NCOA2: variants seen among roughly 807,000 people sequenced by gnomAD.
NCOA2 encodes class E basic helix-loop-helix protein 75.
In NCOA2, 21 loss-of-function variants were observed where a neutral mutation model predicts 145.1. That is an observed-to-expected ratio of 0.14 (90% CI 0.10 to 0.21). The LOEUF (loss-of-function observed/expected upper bound fraction) is 0.21, where lower values mean the gene tolerates loss of function less well. NCOA2 is among the 10% of genes least tolerant of loss of function. NCOA2 has a pLI of 1.00. For synonymous variants in NCOA2, 619 were observed against 637.5 expected (o/e 0.97, Z 0.44); for missense variants, 1,472 against 1,837.6 (o/e 0.80, Z 3.64).
chr8:70,341,082 G>GAAGAAAA (rs1808094477), intron 1 of NCOA2, among the ~76,000 whole-genome samples: 1 of 105,070 alleles, frequency 9.5e-6, no homozygotes, highest in South Asian at 3.7e-4. Context: ...TTAAAAAGTT[G>GAAGAAAA]AAAAAAAAAA....
chr8:70,129,491 C>T (rs1808837110), intron 16 of NCOA2, among the ~76,000 whole-genome samples: 1 of 152,140 alleles, frequency 6.6e-6, no homozygotes, highest in Non-Finnish European at 1.5e-5. Flanking sequence ...GCAATAAGCC[C>T]TATTCAGCTA....
the NCOA2 span, among the ~76,000 whole-genome samples, chr8:70,454,785 G>T: frequency 6.6e-6 from 1 of 152,156 alleles, no homozygotes. Flanking sequence ...TGAGCCCTCT[G>T]TACTGAGAAG....
the NCOA2 span, among the ~76,000 whole-genome samples, chr8:70,453,709 T>G: frequency 6.6e-6 from 1 of 152,230 alleles, no homozygotes; most frequent in Non-Finnish European, 1.5e-5. Flanking sequence ...TCCTTCCTTT[T>G]CCTTTCTCCA....
At chr8:70,318,637 G>A (rs1239259599) in intron 1 of NCOA2, among the ~76,000 whole-genome samples, 6 of 152,072 alleles carry the variant, frequency 3.9e-5, no homozygotes, top group East Asian at 1.9e-4. Context: ...GCTTAGTGGC[G>A]CCTGCCTGTA....
chr8:70,200,454 A>G (rs1331010715), intron 4 of NCOA2, among the ~76,000 whole-genome samples: 1 of 152,188 alleles, frequency 6.6e-6, no homozygotes, highest in Non-Finnish European at 1.5e-5. Context: ...TGGATTTTGC[A>G]CTGTAATTTA....
rs60168250 is a variant in NCOA2 at position 70,111,017 on chromosome 8, T to G, written c.*2615A>C. ...TGATAATGAAGGGAACTGATTTGGC[T>G]TTTGCTTCTATAGTGATCAATATGA... On this transcript the variant is annotated 3_prime_UTR_variant, in exon 23 of 23. Transcript: ENST00000452400. 1,257 of 223,754 alleles carry G rather than the reference T, an allele frequency of 5.6e-3. 62 individuals are homozygous for G. The East Asian group carries it at 0.08, about 14-fold the overall frequency. The allele number at this position is 223,754 out of a possible 1,614,324, so 13.9% of individuals were successfully genotyped here. A position where few individuals can be genotyped will look rare whatever the true frequency, so the allele number is the denominator to read the frequency against.
upstream of NCOA2, among the ~76,000 whole-genome samples, chr8:70,407,963 C>T (rs532059974): frequency 6.6e-6 from 1 of 152,250 alleles, no homozygotes; most frequent in Admixed American, 6.5e-5. Context: ...CTATGGAATA[C>T]AATTCAAATC....
At chr8:70,407,273 T>C (rs1478305811), upstream of NCOA2, among the ~76,000 whole-genome samples, 1 of 152,238 alleles carries the variant, frequency 6.6e-6, no homozygotes, top group African/African-American at 2.4e-5. Context: ...CCTTAAATAG[T>C]ATAACTACAA....
chr8:70,272,515 T>G (rs144031856), intron 2 of NCOA2, among the ~76,000 whole-genome samples: 4 of 152,340 alleles, frequency 2.6e-5, no homozygotes, highest in African/African-American at 9.6e-5. Flanking sequence ...AGGCTAATTT[T>G]TTTTTCTTAC....
At chr8:70,121,269 T>G in intron 22 of NCOA2, 33 bp downstream of exon 22, 1 of 1,556,184 alleles carries the variant, frequency 6.4e-7, no homozygotes, top group Non-Finnish European at 8.8e-7. Context: ...TTGCTTTACT[T>G]CCATATTCAT....
intron 21 of NCOA2, 54 bp downstream of exon 21, chr8:70,123,830 T>C (rs1563481887): frequency 1.4e-6 from 2 of 1,440,880 alleles, no homozygotes; most frequent in Non-Finnish European, 1.9e-6. Context: ...GATGCAGAAG[T>C]AGAAAAAAAG....
the NCOA2 span, among the ~76,000 whole-genome samples, chr8:70,420,137 A>C: frequency 6.6e-6 from 1 of 152,296 alleles, no homozygotes; most frequent in African/African-American, 2.4e-5. Context: ...TAAATAAATA[A>C]ATGAATGGAT....
At chr8:70,221,941 A>G (rs1433068870) in intron 2 of NCOA2, among the ~76,000 whole-genome samples, 1 of 152,168 alleles carries the variant, frequency 6.6e-6, no homozygotes, top group Admixed American at 6.5e-5. Flanking sequence ...AAAATTATGT[A>G]TTATTTCCTC....
chr8:70,420,804 C>G, the NCOA2 span, among the ~76,000 whole-genome samples: 2 of 152,058 alleles, frequency 1.3e-5, no homozygotes, highest in African/African-American at 4.8e-5. Context: ...ACCACCACGC[C>G]CAGCTAATTT....
chr8:70,236,552 G>C (rs911815362), intron 2 of NCOA2, among the ~76,000 whole-genome samples: 2 of 151,912 alleles, frequency 1.3e-5, no homozygotes, highest in Non-Finnish European at 2.9e-5. Flanking sequence ...AGCTCACATT[G>C]ACTCTTCCTC....
intron 22 of NCOA2, 46 bp downstream of exon 22, chr8:70,121,256 T>C (rs376713815): frequency 4.0e-6 from 6 of 1,496,336 alleles, no homozygotes; most frequent in East Asian, 2.3e-5. Flanking sequence ...CAAATATTCA[T>C]GTTTGCTTTA....
At chr8:70,401,854 C>G (rs1257890246) in intron 1 of NCOA2, 1 of 152,266 alleles carries the variant, frequency 6.6e-6, no homozygotes, top group Non-Finnish European at 1.5e-5. Context: ...CAGCATATGC[C>G]ATTTTAGAAA....
chr8:70,142,963 T>G (rs1025763634), intron 13 of NCOA2, among the ~76,000 whole-genome samples: 3 of 151,592 alleles, frequency 2.0e-5, no homozygotes, highest in Non-Finnish European at 2.9e-5. Context: ...TGTTTTTTTT[T>G]TTTTGAGATG....
chr8:70,264,099 C>T (rs1044265533), intron 2 of NCOA2, among the ~76,000 whole-genome samples: 1 of 151,006 alleles, frequency 6.6e-6, no homozygotes, highest in Admixed American at 6.6e-5. Flanking sequence ...GTAATCCCAG[C>T]TACTTGGGAG....
Sources: gnomAD v4.1 joint callset for allele counts (sites outside exome capture counted in the v4.1 genomes callset) on GRCh38, gnomAD v4.1.1 for gene constraint, MANE v1.5 for transcripts, NCBI Gene and HGNC (gene_info 2026-07-23, HGNC 2026-07-21) for gene names.